Variants in DYNC2H1 observed in about 807,000 individuals in gnomAD.
DYNC2H1 encodes cytoplasmic dynein 2 heavy chain 1.
In DYNC2H1, 410 loss-of-function variants were observed where a neutral mutation model predicts 570.0. The observed-to-expected ratio is 0.72, with a 90% confidence interval of 0.66 to 0.78. The LOEUF (loss-of-function observed/expected upper bound fraction) is 0.78. Ranked by LOEUF, DYNC2H1 falls within the 30% of genes least tolerant of loss-of-function variation. The pLI is 0.00. For missense variants in DYNC2H1, 4,865 were observed against 5,046.4 expected, an observed-to-expected ratio of 0.96 and a Z score of 1.09; for synonymous variants, 1,688 against 1,677.6, an observed-to-expected ratio of 1.01 and a Z score of -0.15.
chr11:103,310,595 A>G (rs1447106476), intron 78 of DYNC2H1, among the ~76,000 whole-genome samples: 1 of 151,576 alleles, frequency 6.6e-6, no homozygotes, highest in East Asian at 1.9e-4. Context: ...TGGTTTTTGT[A>G]AATGTTTCAT....
chr11:103,309,747 A>AT (rs575781019), intron 78 of DYNC2H1, among the ~76,000 whole-genome samples: 10 of 150,492 alleles, frequency 6.6e-5, no homozygotes, highest in East Asian at 1.9e-4. Context: ...GGCAGGGGGT[A>AT]TTTTTTTTTG....
In DYNC2H1 at chr11:103,210,031, A is replaced by G. The variant is rs187709749; in HGVS notation, c.8539+71A>G. On this transcript the variant is annotated intron_variant, in intron 53 of 88. Transcript: ENST00000375735. ...ATAATTGCCGTTTTTAATGCTACAGATCCATTAAAGATTCATGATTATAAA... is the reference window on the plus strand; with the variant it reads ...ATAATTGCCGTTTTTAATGCTACAGGTCCATTAAAGATTCATGATTATAAA... 2,557 of 1,344,500 alleles carry G rather than the reference A, an allele frequency of 1.9e-3. 5 individuals carry two copies. Among genetic ancestry groups the G allele is most frequent in the Admixed American group, 3.9e-3 (110 of 27,910 alleles). The allele number at this position is 1,344,500 out of a possible 1,614,324, so 83.3% of individuals were successfully genotyped here.
chr11:103,419,888 G>T (rs1813419928), intron 84 of DYNC2H1, among the ~76,000 whole-genome samples: 1 of 152,094 alleles, frequency 6.6e-6, no homozygotes, highest in Admixed American at 6.6e-5. Flanking sequence ...AAGAATCATG[G>T]TAAAACCATT....
intron 84 of DYNC2H1, among the ~76,000 whole-genome samples, chr11:103,408,813 T>A (rs1456665145): frequency 6.6e-6 from 1 of 152,180 alleles, no homozygotes; most frequent in East Asian, 1.9e-4. Context: ...CATTTTAGTT[T>A]AGGTTGTTCG....
At chr11:103,304,573 G>GT (rs746417360) in intron 76 of DYNC2H1, 22 bp from the exon 77 acceptor site, 2 of 1,602,788 alleles carry the variant, frequency 1.2e-6, no homozygotes, top group South Asian at 2.2e-5. Context: ...TTTAAATTTT[G>GT]TTTGTTTTTT....
intron 83 of DYNC2H1, among the ~76,000 whole-genome samples, chr11:103,381,551 G>GCAACCT (rs1941648454): frequency 6.6e-6 from 1 of 152,176 alleles, no homozygotes; most frequent in African/African-American, 2.4e-5. Context: ...CCGCGTTCAA[G>GCAACCT]CAATTCTCTG....
chr11:103,242,061 C>G (rs945727098), intron 63 of DYNC2H1, among the ~76,000 whole-genome samples: 1 of 151,960 alleles, frequency 6.6e-6, no homozygotes, highest in Non-Finnish European at 1.5e-5. Flanking sequence ...CCCCTTTTCT[C>G]CTGGGCATGT....
intron 84 of DYNC2H1, among the ~76,000 whole-genome samples, chr11:103,408,528 G>A (rs1472354771): frequency 1.3e-5 from 2 of 151,882 alleles, no homozygotes; most frequent in African/African-American, 2.4e-5. Context: ...TTATGAAGTA[G>A]GCCCTATTTC....
chr11:103,416,839 A>G (rs1319542726), intron 84 of DYNC2H1, among the ~76,000 whole-genome samples: 1 of 152,216 alleles, frequency 6.6e-6, no homozygotes, highest in East Asian at 1.9e-4. Context: ...CAGAGTGAAC[A>G]GACAACCTAT....
At chr11:103,143,667 G>A (rs1035290416) in intron 18 of DYNC2H1, among the ~76,000 whole-genome samples, 3 of 152,104 alleles carry the variant, frequency 2.0e-5, no homozygotes, top group Admixed American at 6.5e-5. Context: ...TGTTTGATAT[G>A]CATTGGCACA....
chr11:103,386,963 G>A (rs543356065), intron 83 of DYNC2H1, among the ~76,000 whole-genome samples: 1 of 151,714 alleles, frequency 6.6e-6, no homozygotes, highest in South Asian at 2.1e-4. Context: ...ATAAACATAC[G>A]TGTGCATGTG....
chr11:103,220,090 T>G (rs1863529337), intron 56 of DYNC2H1, 62 bp downstream of exon 56: 1 of 911,618 alleles, frequency 1.1e-6, no homozygotes, highest in Non-Finnish European at 1.6e-6. Context: ...ATGTAGGAAT[T>G]TAAACATTAT....
intron 83 of DYNC2H1, among the ~76,000 whole-genome samples, chr11:103,373,889 C>T (rs1291589820): frequency 6.6e-6 from 1 of 152,120 alleles, no homozygotes; most frequent in East Asian, 1.9e-4. Flanking sequence ...TCTATATTTA[C>T]AGTTGCTACA....
At position 103,181,368 on chromosome 11, in the gene DYNC2H1, A is replaced by G. The variant is rs1051484636; in HGVS notation, c.6348-389A>G. Among the ~76,000 whole-genome samples, 7 of 151,602 alleles carry G rather than the reference A, an allele frequency of 4.6e-5. No homozygotes were observed. The highest frequency in any genetic ancestry group is 1.7e-4 in the African/African-American group (7 of 41,380). ...TCTGGAGAGGGATTTGGGATTTTAC[A>G]TTTCTAACAGACCACTCTGAGTAGG... On this transcript the variant is annotated intron_variant, in intron 39 of 88. Transcript: ENST00000375735. This position sits in a 1 kb window ranked among gnomAD's most constrained non-coding sequence, Gnocchi z 5.0.
At chr11:103,359,199 C>G (rs1176019030) in intron 83 of DYNC2H1, among the ~76,000 whole-genome samples, 1 of 152,210 alleles carries the variant, frequency 6.6e-6, no homozygotes, top group African/African-American at 2.4e-5. Context: ...TAAAGCACAA[C>G]TTATATCTCT....
intron 1 of DYNC2H1, among the ~76,000 whole-genome samples, chr11:103,111,841 T>C (rs190471351): frequency 1.2e-4 from 19 of 152,300 alleles, no homozygotes; most frequent in African/African-American, 4.6e-4. Context: ...GTTAGCGTGA[T>C]TCAATAAGTT....
chr11:103,135,438 GA>G, intron 15 of DYNC2H1, 56 bp from the exon 16 acceptor site: 8 of 1,375,170 alleles, frequency 5.8e-6, no homozygotes, highest in Non-Finnish European at 7.6e-6. Context: ...AGTATTAAAT[GA>G]AAAATCCATT....
chr11:103,116,514 A>T, intron 4 of DYNC2H1, 56 bp from the exon 5 acceptor site: 1 of 1,394,464 alleles, frequency 7.2e-7, no homozygotes, highest in Non-Finnish European at 9.6e-7. Flanking sequence ...CATTTTGATT[A>T]TATTACCCAA....
Position 103,203,706 on chromosome 11 carries a change from G to A in DYNC2H1, c.8241G>A (p.Leu2747=). ...GLYTLEELEP[L]LLPLKDQASQ... Reference sequence around the variant, plus strand: ...ATACTCTTGAAGAATTAGAGCCCTTGCTGTTACCACTTAAGGATCAAGCTT... The same window carrying A: ...ATACTCTTGAAGAATTAGAGCCCTTACTGTTACCACTTAAGGATCAAGCTT... Residue 2747 remains leucine, a synonymous_variant, in exon 51 of 89, where the codon TTG becomes TTA. Transcript: ENST00000375735. This position sits in a 1 kb window ranked among gnomAD's most constrained non-coding sequence, Gnocchi z 4.7. 1.9e-6 allele frequency: 3 copies of A among 1,612,406 alleles called. No homozygotes were observed. Among genetic ancestry groups the A allele is most frequent in the Non-Finnish European group, 2.5e-6 (3 of 1,179,252 alleles).
Sources: gnomAD v4.1 joint callset for allele counts (sites outside exome capture counted in the v4.1 genomes callset) on GRCh38, gnomAD v4.1.1 for gene constraint, Gnocchi (gnomAD v3.1) non-coding constraint, MANE v1.5 for transcripts, NCBI Gene and HGNC (gene_info 2026-07-23, HGNC 2026-07-21) for gene names.